JAZF1: variants seen among roughly 807,000 people sequenced by gnomAD.
JAZF1 encodes the protein JAZF zinc finger 1.
Under a neutral mutation model 26.4 loss-of-function variants are expected in JAZF1, and 8 were observed. The observed-to-expected ratio is 0.30, with a 90% CI of 0.18 to 0.55. JAZF1 has a LOEUF of 0.55. Ranked by LOEUF, JAZF1 falls within the 20% of genes least tolerant of loss-of-function variation. The probability of loss-of-function intolerance (pLI) is 0.94; values close to 1 mark genes in which losing one functional copy is unlikely to be tolerated. For synonymous variants in JAZF1, 126 were observed against 122.3 expected (o/e 1.03, Z -0.20); for missense variants, 199 against 322.0 (o/e 0.62, Z 2.92).
intron 1 of JAZF1, among the ~76,000 whole-genome samples, chr7:28,158,170 C>A (rs201412024): frequency 1.2e-5 from 1 of 85,388 alleles, no homozygotes; most frequent in Non-Finnish European, 2.5e-5. Context: ...CACACACAAA[C>A]ACACACACAC....
At chr7:27,957,982 A>G (rs1186628104) in intron 2 of JAZF1, among the ~76,000 whole-genome samples, 1 of 152,242 alleles carries the variant, frequency 6.6e-6, no homozygotes, top group East Asian at 1.9e-4. Flanking sequence ...GGAATAGGTC[A>G]TCACATAGAA....
intron 1 of JAZF1, among the ~76,000 whole-genome samples, chr7:28,001,797 G>A (rs1375934432): frequency 6.6e-6 from 1 of 152,094 alleles, no homozygotes. Context: ...AATAACCAGT[G>A]GTGGCAGGGA....
intron 1 of JAZF1, among the ~76,000 whole-genome samples, chr7:28,180,139 C>T (rs1464161010): frequency 7.4e-6 from 1 of 135,822 alleles, no homozygotes; most frequent in African/African-American, 3.1e-5. Context: ...CACTCGGCCC[C>T]GCCGCCGCAA....
chr7:28,110,492 GGAAA>G (rs754422634), intron 1 of JAZF1, among the ~76,000 whole-genome samples: 4 of 34,410 alleles, frequency 1.2e-4, no homozygotes, highest in Admixed American at 5.0e-4. Context: ...GGAAAGGAAA[GGAAA>G]GGAAAGGAAA....
chr7:28,014,237 A>G (rs1782845114), intron 1 of JAZF1, among the ~76,000 whole-genome samples: 2 of 152,224 alleles, frequency 1.3e-5, no homozygotes, highest in Non-Finnish European at 2.9e-5. Flanking sequence ...GGTTTTCCTA[A>G]GAGAGCACTG....
At chr7:28,045,288 G>A (rs1015499507) in intron 1 of JAZF1, among the ~76,000 whole-genome samples, 3 of 152,068 alleles carry the variant, frequency 2.0e-5, no homozygotes, top group African/African-American at 7.2e-5. Context: ...GACAGTATCT[G>A]GGCTACTTTC....
intron 2 of JAZF1, among the ~76,000 whole-genome samples, chr7:27,952,140 G>T (rs1785020367): frequency 6.6e-6 from 1 of 152,148 alleles, no homozygotes; most frequent in Non-Finnish European, 1.5e-5. Flanking sequence ...TAATGAGTAA[G>T]AATTAGCACC....
At chr7:27,847,834 A>G (rs929569229) in intron 3 of JAZF1, among the ~76,000 whole-genome samples, 2 of 151,894 alleles carry the variant, frequency 1.3e-5, no homozygotes, top group Non-Finnish European at 2.9e-5. Flanking sequence ...TGCCCAGCTA[A>G]TTTTTGTATT....
Position 28,089,660 on chromosome 7 carries a change from C to T in JAZF1, c.115+90803G>A, listed in dbSNP as rs912397536. ...AAAGTTTTCATCTTCTGGGAAAACA[C>T]TTAAGTAATCCTGTTCAGAATGTCG... On this transcript the variant is annotated intron_variant, in intron 1 of 4. Transcript: ENST00000283928. Among the ~76,000 whole-genome samples the T allele has an allele frequency of 3.3e-5, 5 of 152,152 alleles. No individual in the cohort carries two copies. The South Asian group carries it at 6.2e-4, about 19-fold the overall frequency.
At chr7:28,090,563 C>T (rs1784277311) in intron 1 of JAZF1, among the ~76,000 whole-genome samples, 1 of 152,202 alleles carries the variant, frequency 6.6e-6, no homozygotes. Context: ...AAAGTAAAAA[C>T]TCACTCTGTT....
At chr7:27,845,021 T>C (rs530788020) in intron 3 of JAZF1, among the ~76,000 whole-genome samples, 1 of 152,236 alleles carries the variant, frequency 6.6e-6, no homozygotes, top group East Asian at 1.9e-4. Flanking sequence ...CAGAAGATCA[T>C]AAGGAAATGA....
intron 1 of JAZF1, among the ~76,000 whole-genome samples, chr7:27,997,726 G>A (rs1400502742): frequency 6.6e-6 from 1 of 151,784 alleles, no homozygotes; most frequent in Admixed American, 6.6e-5. Flanking sequence ...CACCACCATA[G>A]CTGAGCAATA....
chr7:28,013,803 C>T (rs775065796), intron 1 of JAZF1, among the ~76,000 whole-genome samples: 4 of 152,030 alleles, frequency 2.6e-5, no homozygotes, highest in Non-Finnish European at 2.9e-5. Flanking sequence ...GACTGTGATT[C>T]CAATTCACTC....
chr7:27,831,234 A>G lies in JAZF1; in HGVS notation c.*1566T>C, dbSNP rs73075357. ...AACTTATGAATATAGAGGTTTACTC[A>G]TCTAACAAACAGAACTGTCATCCTT... On this transcript the variant is annotated 3_prime_UTR_variant, in exon 5 of 5. Coordinates refer to ENST00000283928, the MANE Select transcript of JAZF1 (RefSeq NM_175061.4). 1,634 of 224,834 alleles carry G rather than the reference A, an allele frequency of 7.3e-3. 7 individuals carry two copies. The highest frequency in any genetic ancestry group is 0.011 in the Non-Finnish European group (1,268 of 112,542). The allele number at this position is 224,834 out of a possible 1,614,324, so 13.9% of individuals were successfully genotyped here.
intron 2 of JAZF1, among the ~76,000 whole-genome samples, chr7:27,945,181 G>C (rs529063918): frequency 6.6e-6 from 1 of 151,964 alleles, no homozygotes; most frequent in Non-Finnish European, 1.5e-5. Context: ...TAAGCACACC[G>C]CTGTTGGACA....
intron 1 of JAZF1, among the ~76,000 whole-genome samples, chr7:28,113,531 T>C (rs1784695792): frequency 1.3e-5 from 2 of 152,164 alleles, no homozygotes; most frequent in Admixed American, 1.3e-4. Flanking sequence ...CAGAAGAAAA[T>C]CTGTATTCAT....
intron 2 of JAZF1, among the ~76,000 whole-genome samples, chr7:27,908,892 G>T (rs1037691126): frequency 6.6e-5 from 10 of 152,214 alleles, no homozygotes; most frequent in African/African-American, 2.4e-4. Flanking sequence ...TAAATTTGTT[G>T]TAATTTTGTC....
intron 2 of JAZF1, among the ~76,000 whole-genome samples, chr7:27,983,259 C>T (rs938010810): frequency 6.6e-6 from 1 of 152,106 alleles, no homozygotes; most frequent in Admixed American, 6.5e-5. Flanking sequence ...CTTAAATGAC[C>T]TGATGGAGCT....
intron 2 of JAZF1, among the ~76,000 whole-genome samples, chr7:27,981,549 T>C (rs896226038): frequency 6.6e-6 from 1 of 152,166 alleles, no homozygotes; most frequent in African/African-American, 2.4e-5. Flanking sequence ...AAAGAGTAGA[T>C]TATGAAGTAG....
Sources: allele counts gnomAD v4.1 joint callset (sites outside exome capture counted in the v4.1 genomes callset), GRCh38; gene constraint gnomAD v4.1.1; transcripts MANE v1.5; gene names NCBI Gene and HGNC (gene_info 2026-07-23, HGNC 2026-07-21).